Variants in ANKAR observed in about 807,000 individuals in gnomAD.
The protein encoded by ANKAR is ankyrin and armadillo repeat containing, also known as ankyrin and armadillo repeat-containing protein.
In ANKAR, 136 loss-of-function variants were observed where a neutral mutation model predicts 146.2. The ratio of observed to expected loss-of-function variants is 0.93; its 90% confidence interval spans 0.81 to 1.07. ANKAR has a LOEUF of 1.07. ANKAR is among the 50% of genes least tolerant of loss of function. The pLI is 0.00. For synonymous variants in ANKAR, 500 were observed against 575.8 expected, an observed-to-expected ratio of 0.87 and a Z score of 1.88; for missense variants, 1,567 against 1,679.9, an observed-to-expected ratio of 0.93 and a Z score of 1.18.
chr2:189,712,002 A>G (rs1240779221), intron 10 of ANKAR, among the ~76,000 whole-genome samples: 1 of 152,156 alleles, frequency 6.6e-6, no homozygotes, highest in Non-Finnish European at 1.5e-5. Context: ...CTAGCGCGGC[A>G]GTCTGAGATT....
intron 7 of ANKAR, among the ~76,000 whole-genome samples, chr2:189,701,113 C>A (rs1354150223): frequency 2.6e-5 from 4 of 152,174 alleles, no homozygotes; most frequent in Non-Finnish European, 5.9e-5. Flanking sequence ...CTTACCAAAT[C>A]TGTGGTTTGA....
chr2:189,738,639 T>A lies in ANKAR; in HGVS notation c.3657T>A (p.Val1219=), dbSNP rs1315926722. Reference sequence around the variant, plus strand: ...CTGCAAGAGGTGTTACTATTTTAGTTGATAGTCTGTATTCAGTTCAGACTT... The same window carrying A: ...CTGCAAGAGGTGTTACTATTTTAGTAGATAGTCTGTATTCAGTTCAGACTT... ...TLSARGVTIL[V]DSLYSVQTST... is the part of the protein sequence containing the mutation. Residue 1219 remains valine, a synonymous_variant, in exon 19 of 23, where the codon GTT becomes GTA. Transcript: ENST00000684021. The A allele has an allele frequency of 1.2e-6, 2 of 1,612,230 alleles. No homozygotes were observed. The highest frequency in any genetic ancestry group is 1.7e-6 in the Non-Finnish European group (2 of 1,178,878).
At chr2:189,731,051 C>T (rs1018274613) in intron 16 of ANKAR, among the ~76,000 whole-genome samples, 34 of 152,328 alleles carry the variant, frequency 2.2e-4, no homozygotes, top group Admixed American at 5.2e-4. Context: ...GCCCTGCCTT[C>T]TGTCAAGCAG....
chr2:189,696,274 A>G lies in ANKAR; in HGVS notation c.1613A>G (p.His538Arg). 6.2e-7 allele frequency: 1 copy of G among 1,614,142 alleles called. No homozygotes were observed. Among genetic ancestry groups the G allele is most frequent in the Non-Finnish European group, 8.5e-7 (1 of 1,180,012 alleles). The change falls in exon 7 of 23, where the codon CAT becomes CGT. Residue 538 changes from histidine (H) to arginine (R), a missense_variant. His to Arg is a conservative substitution (Grantham distance 29). Coordinates refer to ENST00000684021, the MANE Select transcript of ANKAR (RefSeq NM_001378068.1). Reference sequence around the variant, plus strand: ...GATGAAGCAGGTTATACTATTTTTCATCATGCTGCCCTGCACAACAGAGTT... The same window carrying G: ...GATGAAGCAGGTTATACTATTTTTCGTCATGCTGCCCTGCACAACAGAGTT... ...VSDEAGYTIF[H>R]HAALHNRVSI...
intron 3 of ANKAR, among the ~76,000 whole-genome samples, 155 bp from the exon 4 acceptor site, chr2:189,692,100 A>G (rs1461497392): frequency 6.6e-6 from 1 of 152,216 alleles, no homozygotes; most frequent in African/African-American, 2.4e-5. Context: ...ATATACATTA[A>G]CAGCATAAAT....
Position 189,711,204 on chromosome 2 carries a change from A to G in ANKAR, c.2224+51A>G, listed in dbSNP as rs1461731922. On this transcript the variant is annotated intron_variant, in intron 10 of 22. Coordinates refer to ENST00000684021, the MANE Select transcript of ANKAR (RefSeq NM_001378068.1). ...TTTATGCTATTTTATGTAGAGCTAT[A>G]TTTTATTCATCAGTCATTTTTAAAT... is the stretch of plus-strand genomic sequence containing the variant. 5 of 1,303,108 alleles carry G rather than the reference A, an allele frequency of 3.8e-6. No individual in the cohort carries two copies. The African/African-American group carries it at 4.5e-5, about 12-fold the overall frequency. The allele number at this position is 1,303,108 out of a possible 1,614,324, so 80.7% of individuals were successfully genotyped here.
intron 9 of ANKAR, among the ~76,000 whole-genome samples, chr2:189,710,653 T>C (rs957478997): frequency 1.3e-5 from 2 of 152,000 alleles, no homozygotes; most frequent in African/African-American, 4.8e-5. Context: ...AATACAAAAA[T>C]TAGCCAGGTG....
intron 18 of ANKAR, among the ~76,000 whole-genome samples, chr2:189,760,139 G>A (rs1040923348): frequency 6.6e-6 from 1 of 152,176 alleles, no homozygotes; most frequent in Non-Finnish European, 1.5e-5. Context: ...ACAAAATGGA[G>A]TCTCCTATGT....
Position 189,746,552 on chromosome 2 carries a change from A to C in ANKAR, c.4230A>C (p.Ser1410=). 6.2e-7 allele frequency: 1 copy of C among 1,613,888 alleles called. No individual in the cohort carries two copies. Among genetic ancestry groups the C allele is most frequent in the Non-Finnish European group, 8.5e-7 (1 of 1,179,864 alleles). Residue 1410 remains serine (S), a synonymous_variant, in exon 23 of 23, where the codon TCA becomes TCC. Transcript: ENST00000684021. ...STITSDITNV[S]RPRIVCLNQL... ...TTACATCAGATATCACAAATGTATC[A>C]AGACCAAGAATAGTGTGTTTGAACC...
intron 2 of ANKAR, among the ~76,000 whole-genome samples, chr2:189,683,346 G>C (rs557694255): frequency 1.4e-4 from 22 of 152,226 alleles, no homozygotes; most frequent in Admixed American, 2.6e-4. Flanking sequence ...CATGCTTTCA[G>C]ATTTGTTCCT....
rs78267864 is a variant in ANKAR at position 189,719,208 on chromosome 2, C to T, written c.2225-364C>T. On this transcript the variant is annotated intron_variant, in intron 10 of 22. Transcript: ENST00000684021. ...AAATAATTGCATAAGCAGTGCCATG[C>T]GAAGTTGATGCAATAACCAAAACTG... is the stretch of plus-strand genomic sequence containing the variant. Among the ~76,000 whole-genome samples the T allele has an allele frequency of 5.5e-3, 840 of 152,156 alleles. 3 individuals carry two copies. The highest frequency in any genetic ancestry group is 0.018 in the African/African-American group (753 of 41,500).
Position 189,738,642 on chromosome 2 carries a change from T to C in ANKAR, c.3660T>C (p.Asp1220=), listed in dbSNP as rs1479650352. 2.5e-6 allele frequency: 4 copies of C among 1,612,040 alleles called. No individual in the cohort carries two copies. Among genetic ancestry groups the C allele is most frequent in the Admixed American group, 1.7e-5 (1 of 59,968 alleles). ...CAAGAGGTGTTACTATTTTAGTTGA[T>C]AGTCTGTATTCAGTTCAGACTTCTA... ...LSARGVTILV[D]SLYSVQTSTI... Residue 1220 remains aspartate, a synonymous_variant, in exon 19 of 23, where the codon GAT becomes GAC. Transcript: ENST00000684021.
chr2:189,762,728 A>T, downstream of ANKAR: 1 of 985,394 alleles, frequency 1.0e-6, no homozygotes, highest in African/African-American at 1.7e-5. Flanking sequence ...TCCTTTCCCT[A>T]CTAAAGACTG....
intron 20 of ANKAR, among the ~76,000 whole-genome samples, chr2:189,742,896 G>GAA (rs2043516852): frequency 5.9e-5 from 1 of 16,944 alleles, no homozygotes. Flanking sequence ...ACACACACTA[G>GAA]AATTACCTGA....
chr2:189,677,489 C>G lies in ANKAR; in HGVS notation c.601+398C>G, dbSNP rs562769355. On this transcript the variant is annotated intron_variant, in intron 2 of 22. Transcript: ENST00000684021. ...CAAAGTCCATTATATCATTCTTATG[C>G]CTTTGCGTCCTCATAGCTTAGCTCC... is the stretch of plus-strand genomic sequence containing the variant. Among the ~76,000 whole-genome samples, 8 of 152,074 alleles carry G rather than the reference C, an allele frequency of 5.3e-5. 1 individual carries two copies. In the East Asian group the frequency reaches 1.5e-3, roughly 29 times the overall value.
chr2:189,762,956 C>T, downstream of ANKAR: 1 of 985,374 alleles, frequency 1.0e-6, no homozygotes, highest in Non-Finnish European at 1.2e-6. Flanking sequence ...TGTAAAATTA[C>T]ACAGCTAGTG....
Position 189,739,827 on chromosome 2 carries a change from G to T in ANKAR, c.3700+1145G>T, listed in dbSNP as rs578244078. 2.0e-5 allele frequency among the ~76,000 whole-genome samples: 3 copies of T among 152,216 alleles called. No homozygotes were observed. The South Asian group carries it at 6.2e-4, about 32-fold the overall frequency. On this transcript the variant is annotated intron_variant, in intron 19 of 22. Coordinates refer to ENST00000684021, the MANE Select transcript of ANKAR (RefSeq NM_001378068.1). ...TCCGCCCGCCTCGGCCTCTCAAAGT[G>T]CTGGGATTACAGGTATGAGCCACCA...
intron 12 of ANKAR, 170 bp from the exon 13 acceptor site, chr2:189,727,686 T>G: frequency 2.9e-6 from 2 of 682,842 alleles, no homozygotes; most frequent in Non-Finnish European, 4.7e-6. Flanking sequence ...AAATGTTTGA[T>G]TGTGTTTAGG....
downstream of ANKAR, chr2:189,762,467 A>C (rs576899305): frequency 1.8e-6 from 1 of 550,794 alleles, no homozygotes; most frequent in South Asian, 7.8e-5. Flanking sequence ...CCAGACAGAC[A>C]CAACCTAGAG....
Sources: gnomAD v4.1 joint callset for allele counts (sites outside exome capture counted in the v4.1 genomes callset) on GRCh38, gnomAD v4.1.1 for gene constraint, MANE v1.5 for transcripts, NCBI Gene and HGNC (gene_info 2026-07-23, HGNC 2026-07-21) for gene names.